The following ANKRD26 variants were observed in gnomAD, a reference collection of about 807,000 sequenced individuals.
The protein encoded by ANKRD26 is ankyrin repeat domain-containing protein 26.
Under a neutral mutation model 208.7 loss-of-function variants are expected in ANKRD26, and 141 were observed. The observed-to-expected ratio is 0.68, with a 90% CI of 0.59 to 0.78. The LOEUF (loss-of-function observed/expected upper bound fraction) is 0.78, where lower values mean the gene tolerates loss of function less well. Ranked by LOEUF, ANKRD26 falls within the 30% of genes least tolerant of loss-of-function variation. ANKRD26 has a pLI of 0.00. For missense variants in ANKRD26, 1,889 were observed against 1,938.7 expected, an observed-to-expected ratio of 0.97 and a Z score of 0.48; for synonymous variants, 636 against 660.4, an observed-to-expected ratio of 0.96 and a Z score of 0.57.
At position 27,037,334 on chromosome 10, in the gene ANKRD26, A is replaced by G. The variant is rs1325568562; in HGVS notation, c.2560-11T>C. 5 of 1,613,766 alleles carry G rather than the reference A, an allele frequency of 3.1e-6. No individual in the cohort carries two copies. The South Asian group carries it at 4.4e-5, about 14-fold the overall frequency. ...TCGCTCTTGAACGACCTAGAGATAC[A>G]TTAAGTTTTAGGTCTATTAGCATTT... On this transcript the variant is annotated splice_polypyrimidine_tract_variant and intron_variant, in intron 22 of 33. Transcript: ENST00000376087.
intron 30 of ANKRD26, among the ~76,000 whole-genome samples, chr10:27,015,997 T>C (rs1386665886): frequency 2.0e-5 from 3 of 152,120 alleles, no homozygotes; most frequent in Admixed American, 1.3e-4. Flanking sequence ...GCTTTGTTTA[T>C]TTTAGAGACA....
At chr10:27,003,532 T>C (rs1025299201), downstream of ANKRD26, among the ~76,000 whole-genome samples, 8 of 152,322 alleles carry the variant, frequency 5.3e-5, no homozygotes, top group Middle Eastern at 0.01. Context: ...ATACAAGATA[T>C]TTATGAAATA....
At chr10:27,048,776 G>A (rs1564389451) in intron 17 of ANKRD26, 25 bp downstream of exon 17, 2 of 1,587,490 alleles carry the variant, frequency 1.3e-6, no homozygotes, top group Non-Finnish European at 1.7e-6. Context: ...ACAATTATCT[G>A]CTGTTAAATA....
At chr10:26,971,930 C>T (rs1036487870), downstream of ANKRD26, among the ~76,000 whole-genome samples, 3 of 151,878 alleles carry the variant, frequency 2.0e-5, no homozygotes, top group African/African-American at 7.3e-5. Context: ...AATTCCCTCT[C>T]CTATTAGAAA....
At chr10:27,069,284 T>C (rs2055391798) in intron 9 of ANKRD26, among the ~76,000 whole-genome samples, 1 of 150,688 alleles carries the variant, frequency 6.6e-6, no homozygotes. Context: ...GGATTCGTAA[T>C]TTGAGGGAAA....
chr10:27,069,264 G>A (rs1375914592), intron 9 of ANKRD26, among the ~76,000 whole-genome samples: 7 of 151,590 alleles, frequency 4.6e-5, no homozygotes, highest in African/African-American at 1.7e-4. Flanking sequence ...AAAGAACTTG[G>A]TGAGTGACTG....
chr10:26,959,691 GCTAGTCTCGAACT>G, the ANKRD26 span, among the ~76,000 whole-genome samples: 1 of 150,812 alleles, frequency 6.6e-6, no homozygotes, highest in Non-Finnish European at 1.5e-5. Flanking sequence ...GGCTGGCCAG[GCTAGTCTCGAACT>G]CCTGACCTCA....
chr10:27,014,567 C>T lies in ANKRD26; in HGVS notation c.4651G>A (p.Glu1551Lys), dbSNP rs373586187. The change falls in exon 31 of 34, where the codon GAA becomes AAA. Residue 1551 changes from glutamate (E) to lysine (K), a missense_variant. Transcript: ENST00000376087. ...TAGAGTTGCTTATATTTTTCCAGTT[C>T]GGTTTTATTAAAGTCTTCTTGAGAA... ...KTSQEDFNKT[E>K]LEKYKQLYLE... 110 of 1,595,078 alleles carry T rather than the reference C, an allele frequency of 6.9e-5. No individual in the cohort carries two copies. The African/African-American group carries it at 1.1e-3, about 16-fold the overall frequency.
At chr10:27,002,946 T>C (rs993575405), downstream of ANKRD26, among the ~76,000 whole-genome samples, 7 of 152,214 alleles carry the variant, frequency 4.6e-5, no homozygotes, top group Admixed American at 2.0e-4. Flanking sequence ...CTAATATATG[T>C]AGAGCTCACA....
At chr10:27,018,119 T>A (rs2053361508) in intron 29 of ANKRD26, among the ~76,000 whole-genome samples, 2 of 150,402 alleles carry the variant, frequency 1.3e-5, no homozygotes, top group South Asian at 4.2e-4. Context: ...TCTTACTACT[T>A]CCCCCATAAA....
intron 9 of ANKRD26, among the ~76,000 whole-genome samples, chr10:27,073,659 T>C (rs2055585826): frequency 6.6e-6 from 1 of 152,192 alleles, no homozygotes; most frequent in Non-Finnish European, 1.5e-5. Context: ...TTTTTACCCA[T>C]GGGCTCCTTC....
intron 15 of ANKRD26, among the ~76,000 whole-genome samples, chr10:27,058,617 C>A (rs1320693443): frequency 1.3e-5 from 2 of 151,504 alleles, no homozygotes; most frequent in East Asian, 3.9e-4. Context: ...CACTCTATCG[C>A]CAGGCTGGAG....
chr10:27,038,976 A>G (rs1449648063), intron 21 of ANKRD26, among the ~76,000 whole-genome samples: 3 of 152,180 alleles, frequency 2.0e-5, no homozygotes, highest in Non-Finnish European at 4.4e-5. Flanking sequence ...TACATATTGC[A>G]TAAACAATTT....
At chr10:27,064,892 GA>G (rs1465407685) in intron 11 of ANKRD26, among the ~76,000 whole-genome samples, 1 of 152,172 alleles carries the variant, frequency 6.6e-6, no homozygotes, top group African/African-American at 2.4e-5. Flanking sequence ...TTAAGCATGT[GA>G]AATGTGCCAG....
chr10:27,042,528 T>C lies in ANKRD26; in HGVS notation c.2161+898A>G, dbSNP rs1444691994. 2.2e-4 allele frequency among the ~76,000 whole-genome samples: 33 copies of C among 151,462 alleles called. No homozygotes were observed. The South Asian group carries it at 6.7e-3, about 31-fold the overall frequency. ...CAGCACTTTGGGAGGCCAAGGCGGG[T>C]GGATCCGGAGGTCAGGCAATTGAGA... On this transcript the variant is annotated intron_variant, in intron 20 of 33. Transcript: ENST00000376087.
intron 1 of ANKRD26, among the ~76,000 whole-genome samples, chr10:27,098,552 C>CTTTT (rs34288994): frequency 6.9e-6 from 1 of 144,344 alleles, no homozygotes; most frequent in Non-Finnish European, 1.5e-5. Flanking sequence ...AATTTTACCA[C>CTTTT]TTTTTTTTTT....
intron 6 of ANKRD26, among the ~76,000 whole-genome samples, chr10:27,081,105 T>C (rs890899094): frequency 1.3e-5 from 2 of 152,190 alleles, no homozygotes; most frequent in African/African-American, 4.8e-5. Flanking sequence ...CAAATTATTT[T>C]AACATTTTTC....
intron 4 of ANKRD26, among the ~76,000 whole-genome samples, chr10:27,087,716 A>C (rs1246719804): frequency 6.6e-6 from 1 of 152,220 alleles, no homozygotes; most frequent in African/African-American, 2.4e-5. Context: ...TCAAACTCTG[A>C]ACCAGCAGAT....
At chr10:27,069,589 G>A (rs916367658) in intron 9 of ANKRD26, among the ~76,000 whole-genome samples, 1 of 152,088 alleles carries the variant, frequency 6.6e-6, no homozygotes, top group Non-Finnish European at 1.5e-5. Context: ...AATTACAGGC[G>A]TGAGCCACTG....
Sources: allele counts gnomAD v4.1 joint callset (sites outside exome capture counted in the v4.1 genomes callset), GRCh38; gene constraint gnomAD v4.1.1; transcripts MANE v1.5; gene names NCBI Gene and HGNC (gene_info 2026-07-23, HGNC 2026-07-21).